The following FAM107B variants were observed in gnomAD, a reference collection of about 807,000 sequenced individuals.
FAM107B encodes the protein protein FAM107B.
A neutral mutation model predicts 31.5 loss-of-function variants in FAM107B; 21 were observed. The observed-to-expected ratio is 0.67, with a 90% CI of 0.47 to 0.96. The LOEUF is 0.96. Ranked by LOEUF, FAM107B falls within the 40% of genes least tolerant of loss-of-function variation. The pLI is 0.00. For synonymous variants in FAM107B, 157 were observed against 141.5 expected (o/e 1.11, Z -0.78); for missense variants, 452 against 377.1 (o/e 1.20, Z -1.64).
chr10:14,544,930 G>A (rs1288258126), intron 2 of FAM107B, among the ~76,000 whole-genome samples: 1 of 152,170 alleles, frequency 6.6e-6, no homozygotes, highest in Non-Finnish European at 1.5e-5. Flanking sequence ...GTGTACAAAT[G>A]CACAGCATGG....
intron 2 of FAM107B, among the ~76,000 whole-genome samples, chr10:14,579,471 T>C (rs1244237789): frequency 1.3e-5 from 2 of 152,216 alleles, no homozygotes; most frequent in East Asian, 1.9e-4. Context: ...AGGAAACCAG[T>C]GAGAGGGTCA....
At chr10:14,657,993 T>G (rs904077465) in intron 2 of FAM107B, among the ~76,000 whole-genome samples, 2 of 152,018 alleles carry the variant, frequency 1.3e-5, no homozygotes, top group African/African-American at 4.8e-5. Context: ...TCTCTTTTTT[T>G]GTAGGTTGGG....
At chr10:14,559,651 G>A (rs1230240616) in intron 2 of FAM107B, among the ~76,000 whole-genome samples, 5 of 150,430 alleles carry the variant, frequency 3.3e-5, no homozygotes, top group Non-Finnish European at 5.9e-5. Flanking sequence ...CTCACTGCAC[G>A]CTCCGCCTCC....
At chr10:14,628,984 A>T (rs1299987618) in intron 2 of FAM107B, among the ~76,000 whole-genome samples, 5 of 151,664 alleles carry the variant, frequency 3.3e-5, no homozygotes, top group African/African-American at 1.2e-4. Context: ...GGAGAATTAA[A>T]ATTTACATAA....
chr10:14,689,167 C>T (rs979949196), intron 1 of FAM107B, among the ~76,000 whole-genome samples: 4 of 151,884 alleles, frequency 2.6e-5, no homozygotes, highest in Non-Finnish European at 5.9e-5. Flanking sequence ...ACTGCTTGAG[C>T]TCAGGAGTTC....
chr10:14,668,443 G>T (rs930336939), intron 1 of FAM107B, among the ~76,000 whole-genome samples: 1 of 152,148 alleles, frequency 6.6e-6, no homozygotes. Flanking sequence ...ACTTTCGAAA[G>T]TTCCATCATT....
intron 1 of FAM107B, among the ~76,000 whole-genome samples, chr10:14,769,530 G>A (rs558565558): frequency 7.9e-5 from 12 of 152,118 alleles, no homozygotes; most frequent in Admixed American, 3.9e-4. Context: ...GATTACGGGC[G>A]CCCGCCACCA....
intron 1 of FAM107B, among the ~76,000 whole-genome samples, chr10:14,694,389 G>C (rs1019369714): frequency 5.3e-5 from 8 of 151,948 alleles, no homozygotes; most frequent in African/African-American, 1.9e-4. Flanking sequence ...GTTATGTTTT[G>C]CCTTTTTTTC....
intron 2 of FAM107B, among the ~76,000 whole-genome samples, chr10:14,562,201 T>C (rs1320054143): frequency 6.6e-6 from 1 of 152,238 alleles, no homozygotes; most frequent in Non-Finnish European, 1.5e-5. Flanking sequence ...TCAAATATAA[T>C]ATCCTCAATT....
chr10:14,735,962 G>C (rs1406544841), intron 1 of FAM107B, among the ~76,000 whole-genome samples: 1 of 152,152 alleles, frequency 6.6e-6, no homozygotes, highest in African/African-American at 2.4e-5. Flanking sequence ...AGAAACCTAA[G>C]AGGAAGGTAG....
chr10:14,706,001 C>T (rs909131270), intron 1 of FAM107B, among the ~76,000 whole-genome samples: 6 of 152,180 alleles, frequency 3.9e-5, no homozygotes, highest in African/African-American at 1.4e-4. Flanking sequence ...AACTCCTATA[C>T]AATAGGAGCT....
intron 1 of FAM107B, among the ~76,000 whole-genome samples, chr10:14,768,194 T>C (rs569182878): frequency 5.4e-4 from 82 of 152,172 alleles, no homozygotes; most frequent in Non-Finnish European, 6.9e-4. Context: ...TGTTCATGGA[T>C]TAGAAAATGT....
Position 14,578,399 on chromosome 10 carries a change from A to C in FAM107B, c.470-47884T>G, listed in dbSNP as rs1851530156. Among the ~76,000 whole-genome samples, 4 of 152,250 alleles carry C rather than the reference A, an allele frequency of 2.6e-5. No individual in the cohort carries two copies. In the South Asian group the frequency reaches 8.3e-4, roughly 32 times the overall value. ...CTCAACGTTAGAAATATAGTGAAGA[A>C]AAGTCTAGAATAAACAAGTTGCTTC... On this transcript the variant is annotated intron_variant, in intron 2 of 4. Coordinates refer to ENST00000181796, the MANE Select transcript of FAM107B (RefSeq NM_031453.4).
chr10:14,580,446 G>A (rs988737496), intron 2 of FAM107B, among the ~76,000 whole-genome samples: 5 of 152,048 alleles, frequency 3.3e-5, no homozygotes, highest in Non-Finnish European at 7.4e-5. Flanking sequence ...CCAGATCTCT[G>A]TATTAAGTGT....
chr10:14,748,182 C>A (rs975951120), intron 1 of FAM107B, among the ~76,000 whole-genome samples: 1 of 152,084 alleles, frequency 6.6e-6, no homozygotes, highest in African/African-American at 2.4e-5. Flanking sequence ...AAAGTCATTT[C>A]TTCTATCTCT....
At chr10:14,683,777 T>G (rs760112432) in intron 1 of FAM107B, among the ~76,000 whole-genome samples, 6 of 152,178 alleles carry the variant, frequency 3.9e-5, no homozygotes, top group Non-Finnish European at 8.8e-5. Context: ...AATGCATAAA[T>G]AAGTGAATAC....
intron 2 of FAM107B, among the ~76,000 whole-genome samples, chr10:14,592,388 A>AT (rs1852050926): frequency 1.3e-5 from 2 of 152,356 alleles, no homozygotes; most frequent in Non-Finnish European, 2.9e-5. Context: ...AGCCATTCAC[A>AT]TAAAAAAGCA....
intron 2 of FAM107B, among the ~76,000 whole-genome samples, chr10:14,623,089 T>C (rs1853058909): frequency 6.6e-6 from 1 of 152,234 alleles, no homozygotes; most frequent in South Asian, 2.1e-4. Flanking sequence ...AAGCTGCTCA[T>C]GTTCATTCTT....
intron 2 of FAM107B, among the ~76,000 whole-genome samples, chr10:14,628,251 G>A (rs1853226897): frequency 6.6e-6 from 1 of 151,478 alleles, no homozygotes; most frequent in Non-Finnish European, 1.5e-5. Context: ...CAAGTAGCTG[G>A]GATTACAGGC....
Sources: allele counts gnomAD v4.1 joint callset (sites outside exome capture counted in the v4.1 genomes callset), GRCh38; gene constraint gnomAD v4.1.1; transcripts MANE v1.5; gene names NCBI Gene and HGNC (gene_info 2026-07-23, HGNC 2026-07-21).